EYA2: variants seen among roughly 807,000 people sequenced by gnomAD.
The protein encoded by EYA2 is protein phosphatase EYA2.
Under a neutral mutation model 69.2 loss-of-function variants are expected in EYA2, and 31 were observed. The observed-to-expected ratio is 0.45, with a 90% confidence interval of 0.34 to 0.60. The LOEUF is 0.60. EYA2 is among the 20% of genes least tolerant of loss of function. The pLI, the probability that EYA2 is intolerant of heterozygous loss-of-function variation, is 0.02. For missense variants in EYA2, 622 were observed against 701.2 expected (o/e 0.89, Z 1.28); for synonymous variants, 257 against 279.4 (o/e 0.92, Z 0.80).
intron 4 of EYA2, among the ~76,000 whole-genome samples, chr20:47,006,707 CA>C (rs1982738152): frequency 6.6e-6 from 1 of 152,150 alleles, no homozygotes; most frequent in Admixed American, 6.5e-5. Flanking sequence ...GCCCTGTCTT[CA>C]TGGAGATTAC....
intron 1 of EYA2, among the ~76,000 whole-genome samples, chr20:46,929,318 G>A (rs1985561805): frequency 1.3e-5 from 2 of 152,082 alleles, no homozygotes; most frequent in Admixed American, 6.5e-5. Context: ...CAGGAGAATT[G>A]CATCTTGAGG....
intron 5 of EYA2, among the ~76,000 whole-genome samples, chr20:47,018,689 C>T (rs1983561687): frequency 6.6e-6 from 1 of 152,356 alleles, no homozygotes; most frequent in East Asian, 1.9e-4. Flanking sequence ...GAGCCTCATC[C>T]TATCCTCCCC....
At chr20:47,157,744 G>T (rs2033983881) in intron 10 of EYA2, among the ~76,000 whole-genome samples, 2 of 151,916 alleles carry the variant, frequency 1.3e-5, no homozygotes, top group South Asian at 4.2e-4. Context: ...ACAAACCAAA[G>T]ATCATGAAAA....
At chr20:46,896,711 C>A (rs1054804645) in intron 1 of EYA2, among the ~76,000 whole-genome samples, 1 of 152,206 alleles carries the variant, frequency 6.6e-6, no homozygotes, top group East Asian at 1.9e-4. Flanking sequence ...TCGTAGCAAA[C>A]TCTTAACTTT....
At chr20:46,919,380 A>G (rs1270771866) in intron 1 of EYA2, among the ~76,000 whole-genome samples, 1 of 152,266 alleles carries the variant, frequency 6.6e-6, no homozygotes, top group East Asian at 1.9e-4. Context: ...AGCCACCTTC[A>G]TCACTGATCC....
Position 47,185,276 on chromosome 20 carries a change from C to CTTTTTTTTTT in EYA2, c.1536+1918_1536+1927dup, listed in dbSNP as rs765083065. On this transcript the variant is annotated intron_variant, in intron 15 of 15. Transcript: ENST00000327619. ...CTCTCCCAGAAAAATGAATCACACTCTTTTTTTTTTTTTTTTTTTTTTTTT... is the reference window on the plus strand; with the variant it reads ...CTCTCCCAGAAAAATGAATCACACTCTTTTTTTTTTTTTTTTTTTTTTTTTTTTTTTTTTT... Among the ~76,000 whole-genome samples the CTTTTTTTTTT allele has an allele frequency of 2.7e-4, 15 of 55,932 alleles. 1 individual carries two copies. The highest frequency in any genetic ancestry group is 1.3e-3 in the East Asian group (2 of 1,514). 36.7% of individuals were successfully genotyped at this position (55,932 alleles called of 152,430 possible). A position where few individuals can be genotyped will look rare whatever the true frequency, so the allele number is the denominator to read the frequency against.
At chr20:47,085,479 C>G (rs1342088592) in intron 7 of EYA2, among the ~76,000 whole-genome samples, 1 of 151,872 alleles carries the variant, frequency 6.6e-6, no homozygotes, top group Non-Finnish European at 1.5e-5. Flanking sequence ...AATCCTGTCT[C>G]TACTAAAAAT....
intron 1 of EYA2, among the ~76,000 whole-genome samples, chr20:46,930,678 G>C (rs935786089): frequency 6.6e-6 from 1 of 152,150 alleles, no homozygotes; most frequent in Non-Finnish European, 1.5e-5. Context: ...CTAAAAAAAG[G>C]CACACTTGCA....
chr20:47,183,960 C>A (rs563684588), intron 15 of EYA2, among the ~76,000 whole-genome samples: 1 of 152,202 alleles, frequency 6.6e-6, no homozygotes, highest in East Asian at 1.9e-4. Context: ...ATGTCACAGA[C>A]CTTAATTAGG....
chr20:47,075,692 A>AT (rs1014955392), intron 7 of EYA2, among the ~76,000 whole-genome samples: 4 of 150,370 alleles, frequency 2.7e-5, no homozygotes, highest in South Asian at 2.1e-4. Context: ...AAGCATGTTC[A>AT]TTTTTTTTTT....
intron 10 of EYA2, among the ~76,000 whole-genome samples, chr20:47,144,014 C>T (rs2033652098): frequency 6.6e-6 from 1 of 152,218 alleles, no homozygotes; most frequent in Non-Finnish European, 1.5e-5. Flanking sequence ...GTAAGGAAAT[C>T]TTCTGGCTTT....
intron 5 of EYA2, among the ~76,000 whole-genome samples, chr20:47,055,124 C>A (rs2030540331): frequency 6.6e-6 from 1 of 152,160 alleles, no homozygotes; most frequent in African/African-American, 2.4e-5. Context: ...CTAAAGCAGT[C>A]ATTGTGGTCA....
At chr20:47,067,777 A>G (rs752933078) in intron 5 of EYA2, among the ~76,000 whole-genome samples, 4 of 152,008 alleles carry the variant, frequency 2.6e-5, no homozygotes, top group Non-Finnish European at 5.9e-5. Flanking sequence ...TTCTATGAGA[A>G]GAATTTCCTG....
intron 7 of EYA2, among the ~76,000 whole-genome samples, chr20:47,081,607 C>T (rs1236122804): frequency 6.6e-6 from 1 of 151,400 alleles, no homozygotes. Context: ...GGCGAAACCC[C>T]GTCTCTACTA....
rs568479848 is a variant in EYA2, at chr20:47,071,511, C to G, written c.416-674C>G. ...AGTGAAACACTTAAATGACCAAACT[C>G]CGGGGCTCAAGTGATCCTCCCACCT... On this transcript the variant is annotated intron_variant, in intron 5 of 15. Coordinates refer to ENST00000327619, the MANE Select transcript of EYA2 (RefSeq NM_005244.5). Among the ~76,000 whole-genome samples the G allele has an allele frequency of 2.6e-5, 4 of 152,130 alleles. No individual in the cohort carries two copies. The South Asian group carries it at 8.3e-4, about 32-fold the overall frequency.
chr20:46,951,638 C>G (rs1978804010), intron 1 of EYA2, among the ~76,000 whole-genome samples: 1 of 152,218 alleles, frequency 6.6e-6, no homozygotes. Flanking sequence ...TAAAACCACT[C>G]TCAGGCGTCA....
intron 1 of EYA2, among the ~76,000 whole-genome samples, chr20:46,958,439 C>T (rs1054441524): frequency 1.6e-4 from 24 of 146,284 alleles, no homozygotes; most frequent in African/African-American, 5.4e-4. Context: ...TCTGAGCTCA[C>T]GTGTAATTAT....
rs190843419 is a variant in EYA2, at chr20:47,000,214, T to C, written c.110-1214T>C. On this transcript the variant is annotated intron_variant, in intron 2 of 15. Transcript: ENST00000327619. ...CAGGTAAAGAATTTAGAAGAGAGCT[T>C]GGCACGTAATAAGCACTGGGTAAAT... Among the ~76,000 whole-genome samples the C allele has an allele frequency of 1.2e-3, 187 of 152,366 alleles. 1 individual carries two copies. The highest frequency in any genetic ancestry group is 4.1e-3 in the African/African-American group (172 of 41,600).
At chr20:46,994,777 T>A (rs1258672839) in intron 2 of EYA2, among the ~76,000 whole-genome samples, 2 of 151,932 alleles carry the variant, frequency 1.3e-5, no homozygotes, top group African/African-American at 4.9e-5. Flanking sequence ...ATGGTGCTAT[T>A]AATCCCATCG....
Sources: allele counts gnomAD v4.1 joint callset (sites outside exome capture counted in the v4.1 genomes callset), GRCh38; gene constraint gnomAD v4.1.1; transcripts MANE v1.5; gene names NCBI Gene and HGNC (gene_info 2026-07-23, HGNC 2026-07-21).